The following GNB3 variants were observed in gnomAD, a reference collection of about 807,000 sequenced individuals.
The protein encoded by GNB3 is guanine nucleotide-binding protein G(I)/G(S)/G(T) subunit beta-3.
A neutral mutation model predicts 41.2 loss-of-function variants in GNB3; 33 were observed. The ratio of observed to expected loss-of-function variants is 0.80; its 90% CI spans 0.61 to 1.07. GNB3 has a LOEUF of 1.07. Ranked by LOEUF, GNB3 falls within the 50% of genes least tolerant of loss-of-function variation. GNB3 has a pLI of 0.00. For synonymous variants in GNB3, 172 were observed against 173.4 expected, an observed-to-expected ratio of 0.99 and a Z score of 0.06; for missense variants, 409 against 455.3, an observed-to-expected ratio of 0.90 and a Z score of 0.92.
chr12:6,844,997 C>T (rs1555124277), intron 8 of GNB3: 1 of 152,466 alleles, frequency 6.6e-6, no homozygotes, highest in Admixed American at 6.5e-5. Context: ...TCAAAAATGT[C>T]CATAATAGCT....
intron 8 of GNB3, chr12:6,845,310 G>T (rs1304477014): frequency 2.3e-6 from 1 of 428,220 alleles, no homozygotes; most frequent in Non-Finnish European, 4.3e-6. Flanking sequence ...TTCTAGCCGG[G>T]TCACTGCAGG....
rs1183496119 is a variant in GNB3 at position 6,844,098 on chromosome 12, T to C, written c.699+120T>C. The C allele has an allele frequency of 1.8e-4, 95 of 541,152 alleles. 2 individuals carry two copies. Among genetic ancestry groups the C allele is most frequent in the Admixed American group, 3.5e-4 (9 of 25,466 alleles). 33.5% of individuals were successfully genotyped at this position (541,152 alleles called of 1,614,324 possible). On this transcript the variant is annotated intron_variant, in intron 8 of 9. Coordinates refer to ENST00000229264, the MANE Select transcript of GNB3 (RefSeq NM_002075.4). ...CCCTAGCCCTTTCTTACTGTATTTT[T>C]TTTTTTTTTTTTTTTTTTTTTGAGA...
At position 6,847,240 on chromosome 12, in the gene GNB3, C is replaced by T. The variant is rs1164219354; in HGVS notation, c.*342C>T. 1 of 320,294 alleles carries T rather than the reference C, an allele frequency of 3.1e-6. No individual in the cohort carries two copies. The highest frequency in any genetic ancestry group is 5.9e-6 in the Non-Finnish European group (1 of 168,770). The allele number at this position is 320,294 out of a possible 1,614,324, so 19.8% of individuals were successfully genotyped here. Reference sequence around the variant, plus strand: ...TAGGATTCCTCCCCCAGAGCCACTACCTTTGTCCAGGCCTGGGTGGTATAG... The same window carrying T: ...TAGGATTCCTCCCCCAGAGCCACTATCTTTGTCCAGGCCTGGGTGGTATAG... On this transcript the variant is annotated 3_prime_UTR_variant, in exon 10 of 10. Transcript: ENST00000229264.
rs201226859 is a variant in GNB3 at position 6,845,712 on chromosome 12, G to A, written c.826G>A (p.Val276Met). The A allele has an allele frequency of 9.3e-6, 15 of 1,614,062 alleles. No homozygotes were observed. The highest frequency in any genetic ancestry group is 1.6e-4 in the Middle Eastern group (1 of 6,062). Reference protein sequence around the residue: ...HESIICGITSVAFSLSGRLLF... With the variant: ...HESIICGITSMAFSLSGRLLF... ...GAGCATCATCTGCGGCATCACGTCC[G>A]TGGCCTTCTCCCTCAGTGGCCGCCT... The change falls in exon 9 of 10, where the codon GTG becomes ATG. Residue 276 changes from valine (V) to methionine (M), a missense_variant. Val to Met is a conservative substitution (Grantham distance 21, BLOSUM62 1). Coordinates refer to ENST00000229264, the MANE Select transcript of GNB3 (RefSeq NM_002075.4).
At position 6,843,559 on chromosome 12, in the gene GNB3, G is replaced by T; in HGVS notation, c.430+34G>T. 1 of 1,613,360 alleles carries T rather than the reference G, an allele frequency of 6.2e-7. No homozygotes were observed. Among genetic ancestry groups the T allele is most frequent in the Non-Finnish European group, 8.5e-7 (1 of 1,179,306 alleles). On this transcript the variant is annotated intron_variant, in intron 6 of 9. Transcript: ENST00000229264. The surrounding 1 kb of genome is among the most constrained non-coding windows in gnomAD (Gnocchi z 5.9). ...GAGACCCTCTCCTCCCCTCCTGAGG[G>T]GTTCAGGGAACCCTGGGCTTCCAGT...
In GNB3 at chr12:6,846,686, CAT is replaced by C. The variant is rs538169242; in HGVS notation, c.917-104_917-103del. On this transcript the variant is annotated intron_variant, in intron 9 of 9. Coordinates refer to ENST00000229264, the MANE Select transcript of GNB3 (RefSeq NM_002075.4). Reference sequence around the variant, plus strand: ...GCACACATATCCCCCCACACACCCACATACACACACACACCCACACACCCACA... The same window carrying C: ...GCACACATATCCCCCCACACACCCACACACACACACACCCACACACCCACA... 2.3e-4 allele frequency: 144 copies of C among 634,520 alleles called. No homozygotes were observed. In the African/African-American group the frequency reaches 3.0e-3, roughly 13 times the overall value. The allele number at this position is 634,520 out of a possible 1,614,324, so 39.3% of individuals were successfully genotyped here.
chr12:6,845,421 G>C (rs539066724), intron 8 of GNB3, 165 bp from the exon 9 acceptor site: 2 of 612,580 alleles, frequency 3.3e-6, no homozygotes, highest in African/African-American at 1.8e-5. Context: ...CTGGCACGTG[G>C]TATGTGTTGG....
chr12:6,841,945 T>A (rs1260911184), intron 3 of GNB3: 1 of 486,942 alleles, frequency 2.1e-6, no homozygotes, highest in Non-Finnish European at 3.8e-6. Flanking sequence ...GCTAGTTTTC[T>A]ATGCTGTATT....
In GNB3 at chr12:6,843,558, G is replaced by A. The variant is rs2137983776; in HGVS notation, c.430+33G>A. 1 of 1,613,282 alleles carries A rather than the reference G, an allele frequency of 6.2e-7. No individual in the cohort carries two copies. Among genetic ancestry groups the A allele is most frequent in the Non-Finnish European group, 8.5e-7 (1 of 1,179,214 alleles). ...AGAGACCCTCTCCTCCCCTCCTGAG[G>A]GGTTCAGGGAACCCTGGGCTTCCAG... is the stretch of plus-strand genomic sequence containing the variant. On this transcript the variant is annotated intron_variant, in intron 6 of 9. Transcript: ENST00000229264. The surrounding 1 kb of genome is among the most constrained non-coding windows in gnomAD (Gnocchi z 5.9).
intron 9 of GNB3, chr12:6,846,538 C>G: frequency 2.6e-6 from 1 of 383,060 alleles, no homozygotes; most frequent in Non-Finnish European, 4.7e-6. Flanking sequence ...AGCTAATCCT[C>G]TTTCAGTCTC....
Position 6,846,548 on chromosome 12 carries a change from CTT to C in GNB3, c.917-243_917-242del, listed in dbSNP as rs560377084. ...CCTACAGCTAATCCTCTTTCAGTCT[CTT>C]AGCCTTCTTCAGGGGTTGAGCCCAG... is the stretch of plus-strand genomic sequence containing the variant. On this transcript the variant is annotated intron_variant, in intron 9 of 9. Transcript: ENST00000229264. The C allele has an allele frequency of 1.3e-4, 56 of 416,470 alleles. No homozygotes were observed. In the South Asian group the frequency reaches 2.4e-3, roughly 18 times the overall value. The allele number at this position is 416,470 out of a possible 1,614,324, so 25.8% of individuals were successfully genotyped here. A position where few individuals can be genotyped will look rare whatever the true frequency, so the allele number is the denominator to read the frequency against.
At chr12:6,846,754 C>T in intron 9 of GNB3, 38 bp from the exon 10 acceptor site, 1 of 1,224,058 alleles carries the variant, frequency 8.2e-7, no homozygotes, top group East Asian at 2.5e-5. Flanking sequence ...TCCAAATCAG[C>T]TTGGAGAGAC....
chr12:6,845,600 A>T lies in GNB3; in HGVS notation c.714A>T (p.Gly238=). The change falls in exon 9 of 10, where the codon GGA becomes GGT. Residue 238 remains glycine (G), a synonymous_variant. Coordinates refer to ENST00000229264, the MANE Select transcript of GNB3 (RefSeq NM_002075.4). ...CGTGCCCTCAGTTCTTCCCCAATGG[A>T]GAGGCCATCTGCACGGGCTCGGATG... ...DINAICFFPN[G]EAICTGSDDA... 6.2e-7 allele frequency: 1 copy of T among 1,610,780 alleles called. No homozygotes were observed. The highest frequency in any genetic ancestry group is 1.3e-5 in the African/African-American group (1 of 74,990).
rs1555123715 is a variant in GNB3, at chr12:6,843,024, T to C, written c.151T>C (p.Leu51=). ...AGTCCAGATGCGGACGCGGCGGACG[T>C]TAAGGGGACACCTGGCCAAGATTTA... is the stretch of plus-strand genomic sequence containing the variant. The part of the protein sequence containing the change: ...GRVQMRTRRT[L]RGHLAKIYAM... The change falls in exon 4 of 10, where the codon TTA becomes CTA. Residue 51 remains leucine, a synonymous_variant. Coordinates refer to ENST00000229264, the MANE Select transcript of GNB3 (RefSeq NM_002075.4). The surrounding 1 kb of genome is among the most constrained non-coding windows in gnomAD (Gnocchi z 5.9). 6.3e-7 allele frequency: 1 copy of C among 1,575,018 alleles called. No individual in the cohort carries two copies.
Position 6,847,092 on chromosome 12 carries a change from C to A in GNB3, c.*194C>A. The A allele has an allele frequency of 1.8e-6, 1 of 567,166 alleles. No homozygotes were observed. Among genetic ancestry groups the A allele is most frequent in the South Asian group, 2.1e-5 (1 of 47,798 alleles). 35.1% of individuals were successfully genotyped at this position (567,166 alleles called of 1,614,324 possible). On this transcript the variant is annotated 3_prime_UTR_variant, in exon 10 of 10. Transcript: ENST00000229264. ...GGGACACAGGGGCAAAGAACTGCCC[C>A]ATCTCCTCCCATGGCCTTCCCTCCC...
At position 6,846,966 on chromosome 12, in the gene GNB3, A is replaced by G. The variant is rs1591594381; in HGVS notation, c.*68A>G. ...GCAGCCCCCTGCCCGACCCCATCTC[A>G]TTCAGGTGTTCTCTTCTATATTCCG... On this transcript the variant is annotated 3_prime_UTR_variant, in exon 10 of 10. Coordinates refer to ENST00000229264, the MANE Select transcript of GNB3 (RefSeq NM_002075.4). The G allele has an allele frequency of 3.5e-6, 3 of 863,746 alleles. No homozygotes were observed. The East Asian group carries it at 7.9e-5, about 23-fold the overall frequency. 53.5% of individuals were successfully genotyped at this position (863,746 alleles called of 1,614,324 possible).
intron 9 of GNB3, chr12:6,846,573 C>T (rs1381767867): frequency 2.2e-6 from 1 of 459,364 alleles, no homozygotes; most frequent in African/African-American, 2.0e-5. Context: ...GGGTTGAGCC[C>T]AGTCTACCGA....
chr12:6,845,627 C>A lies in GNB3; in HGVS notation c.741C>A (p.Asp247Glu). The A allele has an allele frequency of 6.2e-7, 1 of 1,613,408 alleles. No homozygotes were observed. The highest frequency in any genetic ancestry group is 8.5e-7 in the Non-Finnish European group (1 of 1,179,930). ...AGGCCATCTGCACGGGCTCGGATGA[C>A]GCTTCCTGCCGCTTGTTTGACCTGC... ...NGEAICTGSD[D>E]ASCRLFDLRA... Residue 247 changes from aspartate (D) to glutamate (E), a missense_variant, in exon 9 of 10, where the codon GAC becomes GAA. Transcript: ENST00000229264.
chr12:6,844,463 C>G (rs1943643807), intron 8 of GNB3, among the ~76,000 whole-genome samples: 1 of 151,986 alleles, frequency 6.6e-6, no homozygotes, highest in South Asian at 2.1e-4. Context: ...CACTGTTGCC[C>G]AGTCTGGATG....
Sources: gnomAD v4.1 joint callset for allele counts (sites outside exome capture counted in the v4.1 genomes callset) on GRCh38, gnomAD v4.1.1 for gene constraint, Gnocchi (gnomAD v3.1) non-coding constraint, MANE v1.5 for transcripts, NCBI Gene and HGNC (gene_info 2026-07-23, HGNC 2026-07-21) for gene names.